SRGAP3: variants seen among roughly 807,000 people sequenced by gnomAD.
SRGAP3 encodes SLIT-ROBO Rho GTPase activating protein 3.
A neutral mutation model predicts 121.1 loss-of-function variants in SRGAP3; 39 were observed. That is an observed-to-expected ratio of 0.32 (90% CI 0.25 to 0.42). The LOEUF is 0.42. Among genes scored for constraint, SRGAP3 ranks in the 10% least tolerant of loss-of-function variants. The probability of loss-of-function intolerance (pLI) is 1.00; values close to 1 mark genes in which losing one functional copy is unlikely to be tolerated. For missense variants in SRGAP3, 1,213 were observed against 1,470.6 expected, an observed-to-expected ratio of 0.82 and a Z score of 2.86; for synonymous variants, 601 against 570.0, an observed-to-expected ratio of 1.05 and a Z score of -0.77.
At chr3:9,259,167 C>A (rs9312036) in intron 3 of SRGAP3, among the ~76,000 whole-genome samples, 4 of 152,032 alleles carry the variant, frequency 2.6e-5, no homozygotes, top group African/African-American at 9.7e-5. Flanking sequence ...ACAGGCCCAC[C>A]CAGACCACCC....
chr3:8,988,639 T>C (rs1574852459), intron 21 of SRGAP3, among the ~76,000 whole-genome samples: 1 of 152,194 alleles, frequency 6.6e-6, no homozygotes, highest in East Asian at 1.9e-4. Flanking sequence ...CCCTGTTTTC[T>C]TTCTTGGAGA....
intron 1 of SRGAP3, among the ~76,000 whole-genome samples, chr3:9,147,445 G>A (rs991360392): frequency 1.2e-4 from 19 of 152,122 alleles, no homozygotes; most frequent in Non-Finnish European, 1.9e-4. Flanking sequence ...ACTGGGAAAC[G>A]GTGGTTGAGT....
intron 14 of SRGAP3, among the ~76,000 whole-genome samples, chr3:9,017,142 C>T (rs1047399284): frequency 3.3e-5 from 5 of 152,096 alleles, no homozygotes; most frequent in African/African-American, 1.2e-4. Context: ...TGTCTCATAT[C>T]GAGACACCAA....
At chr3:9,205,812 T>C (rs1463558465) in intron 1 of SRGAP3, among the ~76,000 whole-genome samples, 2 of 152,170 alleles carry the variant, frequency 1.3e-5, no homozygotes, top group African/African-American at 4.8e-5. Flanking sequence ...GAAAGGAAAT[T>C]CTGACACATT....
chr3:9,165,754 CGGTTGCCTT>C (rs1415577835), intron 1 of SRGAP3, among the ~76,000 whole-genome samples: 1 of 152,156 alleles, frequency 6.6e-6, no homozygotes, highest in Non-Finnish European at 1.5e-5. Context: ...TTTGCATGCA[CGGTTGCCTT>C]GGTCTGCAGC....
chr3:9,289,022 A>T (rs1954829630), intron 3 of SRGAP3, among the ~76,000 whole-genome samples: 2 of 152,084 alleles, frequency 1.3e-5, no homozygotes, highest in Admixed American at 6.6e-5. Flanking sequence ...TCAGCCTCCC[A>T]AGTAGCCGGG....
At chr3:9,133,079 T>C (rs1032352765) in intron 1 of SRGAP3, among the ~76,000 whole-genome samples, 1 of 149,988 alleles carries the variant, frequency 6.7e-6, no homozygotes, top group Non-Finnish European at 1.5e-5. Flanking sequence ...AGAATATCTA[T>C]ATATAGAATT....
chr3:9,019,981 G>T (rs375827203), intron 14 of SRGAP3, among the ~76,000 whole-genome samples: 1 of 152,214 alleles, frequency 6.6e-6, no homozygotes, highest in African/African-American at 2.4e-5. Context: ...TATTCACACA[G>T]CACTTCTCAA....
intron 3 of SRGAP3, among the ~76,000 whole-genome samples, chr3:9,265,223 TC>T (rs540575550): frequency 3.8e-4 from 58 of 151,952 alleles, no homozygotes; most frequent in Non-Finnish European, 7.4e-4. Flanking sequence ...AAAAATTAAC[TC>T]AAGATGGATT....
rs553057809 is a variant in SRGAP3, at chr3:9,230,866, AAAAAAGAAAAG to A, written c.67+18008_67+18018del. 3.8e-3 allele frequency among the ~76,000 whole-genome samples: 564 copies of A among 146,604 alleles called. 2 individuals are homozygous for A. Among genetic ancestry groups the A allele is most frequent in the Non-Finnish European group, 5.2e-3 (343 of 65,652 alleles). On this transcript the variant is annotated intron_variant, in intron 1 of 21. Transcript: ENST00000383836. ...AGTAAGACCCTATCTCAAAAAAAAAAAAAAAGAAAAGAAAAGAAAAGAAAAAAGAGCAGACT... is the reference window on the plus strand; with the variant it reads ...AGTAAGACCCTATCTCAAAAAAAAAAAAAAGAAAAGAAAAAAGAGCAGACT...
intron 1 of SRGAP3, among the ~76,000 whole-genome samples, chr3:9,203,675 T>A (rs1047830433): frequency 2.6e-5 from 4 of 152,204 alleles, no homozygotes; most frequent in Admixed American, 1.3e-4. Context: ...GGGGATGGAA[T>A]GTGTTTATTC....
intron 1 of SRGAP3, among the ~76,000 whole-genome samples, chr3:9,151,722 G>T (rs1950217832): frequency 6.6e-6 from 1 of 152,206 alleles, no homozygotes; most frequent in Non-Finnish European, 1.5e-5. Flanking sequence ...GGGTCAGCAG[G>T]TTGGAGGGAA....
intron 3 of SRGAP3, among the ~76,000 whole-genome samples, chr3:9,322,043 G>A (rs542866047): frequency 4.6e-5 from 7 of 151,816 alleles, no homozygotes; most frequent in African/African-American, 1.7e-4. Flanking sequence ...AAGTAGGATA[G>A]GAGAGGAAGC....
chr3:9,086,181 C>T (rs1283358817), intron 3 of SRGAP3, among the ~76,000 whole-genome samples: 1 of 152,198 alleles, frequency 6.6e-6, no homozygotes, highest in Admixed American at 6.5e-5. Flanking sequence ...TTTCCCTATT[C>T]CTGCATTTCT....
intron 1 of SRGAP3, among the ~76,000 whole-genome samples, chr3:9,350,717 C>T (rs1446388696): frequency 6.6e-6 from 1 of 152,172 alleles, no homozygotes; most frequent in African/African-American, 2.4e-5. Context: ...GCAGTGTTCA[C>T]TTGCACATGT....
chr3:9,059,967 G>T (rs1946055203), intron 6 of SRGAP3: 1 of 470,610 alleles, frequency 2.1e-6, no homozygotes, highest in Non-Finnish European at 3.9e-6. Flanking sequence ...TACTTGGGAA[G>T]TTGCCATTGG....
chr3:9,056,420 C>T, intron 7 of SRGAP3, 86 bp from the exon 8 acceptor site: 1 of 1,380,584 alleles, frequency 7.2e-7, no homozygotes, highest in South Asian at 1.2e-5. Context: ...ATTAACATCC[C>T]AATCACAGTC....
chr3:9,130,397 C>T (rs1056592814), intron 1 of SRGAP3, among the ~76,000 whole-genome samples: 1 of 152,206 alleles, frequency 6.6e-6, no homozygotes, highest in East Asian at 1.9e-4. Context: ...AGGTGCCTCA[C>T]TCCCACAAGA....
At chr3:9,124,133 C>G (rs1240292599) in intron 2 of SRGAP3, among the ~76,000 whole-genome samples, 1 of 152,134 alleles carries the variant, frequency 6.6e-6, no homozygotes, top group East Asian at 1.9e-4. Flanking sequence ...GCAGATGGAG[C>G]CTCCATGATC....
Sources: gnomAD v4.1 joint callset for allele counts (sites outside exome capture counted in the v4.1 genomes callset) on GRCh38, gnomAD v4.1.1 for gene constraint, MANE v1.5 for transcripts, NCBI Gene and HGNC (gene_info 2026-07-23, HGNC 2026-07-21) for gene names.